Variants in GNAL observed in about 807,000 individuals in gnomAD.
The protein encoded by GNAL is G protein subunit alpha L, also known as guanine nucleotide-binding protein G(olf) subunit alpha.
In GNAL, 18 loss-of-function variants were observed where a neutral mutation model predicts 55.1. The observed-to-expected ratio is 0.33, with a 90% CI of 0.23 to 0.48. The LOEUF (loss-of-function observed/expected upper bound fraction) is 0.48, where lower values mean the gene tolerates loss of function less well. Among genes scored for constraint, GNAL ranks in the 20% least tolerant of loss-of-function variants. GNAL has a pLI of 0.99. For missense variants in GNAL, 412 were observed against 614.1 expected (o/e 0.67, Z 3.48); for synonymous variants, 253 against 237.0 (o/e 1.07, Z -0.62).
At chr18:11,855,042 C>T (rs529120984) in intron 5 of GNAL, among the ~76,000 whole-genome samples, 3,273 of 149,018 alleles carry the variant, frequency 0.022, 122 homozygotes, top group African/African-American at 0.078. Context: ...TGCCTCAGCC[C>T]CCTGAGTAGC....
intron 1 of GNAL, among the ~76,000 whole-genome samples, chr18:11,705,909 G>A (rs2031699761): frequency 6.6e-6 from 1 of 151,808 alleles, no homozygotes; most frequent in South Asian, 2.1e-4. Context: ...GCTCCTGCCA[G>A]CATGCCTGGG....
intron 5 of GNAL, chr18:11,852,342 C>A (rs762988565): frequency 1.2e-4 from 66 of 534,208 alleles, no homozygotes; most frequent in Non-Finnish European, 2.1e-4. Context: ...TTTATAGCAG[C>A]CTTTTAACAG....
At chr18:11,823,324 C>T (rs1186190074) in intron 4 of GNAL, among the ~76,000 whole-genome samples, 1 of 152,162 alleles carries the variant, frequency 6.6e-6, no homozygotes, top group Admixed American at 6.5e-5. Flanking sequence ...CCACCCCCTT[C>T]AGGGGGAGAA....
At chr18:11,822,117 A>T (rs1241603397) in intron 4 of GNAL, among the ~76,000 whole-genome samples, 1 of 152,132 alleles carries the variant, frequency 6.6e-6, no homozygotes, top group Non-Finnish European at 1.5e-5. Flanking sequence ...GCGGCTCCGG[A>T]GAGGCCCAGG....
At chr18:11,722,957 G>A (rs1045099849) in intron 1 of GNAL, among the ~76,000 whole-genome samples, 16 of 149,542 alleles carry the variant, frequency 1.1e-4, no homozygotes, top group African/African-American at 4.0e-4. Context: ...GTTGCAGTGA[G>A]CCAAGATCGC....
chr18:11,717,945 GA>G (rs1362882585), intron 1 of GNAL, among the ~76,000 whole-genome samples: 1 of 151,540 alleles, frequency 6.6e-6, no homozygotes, highest in East Asian at 1.9e-4. Context: ...AAAATGTTAA[GA>G]AAAAAAAGAA....
intron 4 of GNAL, among the ~76,000 whole-genome samples, chr18:11,763,464 T>C (rs1037955771): frequency 2.0e-5 from 3 of 151,964 alleles, no homozygotes; most frequent in Admixed American, 1.3e-4. Flanking sequence ...CAGGCTGGAG[T>C]GCAGTGGTGC....
At chr18:11,769,403 A>G (rs1206886229) in intron 4 of GNAL, among the ~76,000 whole-genome samples, 2 of 151,952 alleles carry the variant, frequency 1.3e-5, no homozygotes, top group Admixed American at 1.3e-4. Flanking sequence ...AGCAGAGCCT[A>G]GTCAGGAAGC....
In GNAL at chr18:11,865,387, C is replaced by T. The variant is rs138212555; in HGVS notation, c.851+781C>T. Among the ~76,000 whole-genome samples, 686 of 149,388 alleles carry T rather than the reference C, an allele frequency of 4.6e-3. 78 individuals are homozygous for T. Among genetic ancestry groups the T allele is most frequent in the African/African-American group, 0.016 (636 of 38,854 alleles). On this transcript the variant is annotated intron_variant, in intron 7 of 11. Coordinates refer to ENST00000334049, the MANE Select transcript of GNAL (RefSeq NM_182978.4). ...GTTCTCCCAGCTTTTCCTGCCGTAG[C>T]GCTTCTGTTCATCTTGTCCTCTGAG...
chr18:11,865,586 C>T (rs1211758430), intron 7 of GNAL, among the ~76,000 whole-genome samples: 1 of 36,264 alleles, frequency 2.8e-5, no homozygotes, highest in African/African-American at 5.1e-5. Context: ...CCTGTCTCTA[C>T]CAAAAAAAAA....
chr18:11,854,168 A>T (rs2143799109), intron 5 of GNAL: 1 of 167,210 alleles, frequency 6.0e-6, no homozygotes, highest in Non-Finnish European at 1.5e-5. Flanking sequence ...AACTTTAAAA[A>T]TAGCTTAGTG....
At chr18:11,855,187 G>GC (rs1221606492) in intron 5 of GNAL, among the ~76,000 whole-genome samples, 1 of 152,152 alleles carries the variant, frequency 6.6e-6, no homozygotes, top group Non-Finnish European at 1.5e-5. Flanking sequence ...TGATCCGCCT[G>GC]CCTCGGCCTC....
intron 4 of GNAL, among the ~76,000 whole-genome samples, chr18:11,760,729 C>T (rs528541398): frequency 1.3e-5 from 2 of 152,084 alleles, no homozygotes; most frequent in South Asian, 4.2e-4. Flanking sequence ...GGACAGGGTG[C>T]AGACACCCCC....
chr18:11,784,010 G>A (rs987163545), intron 4 of GNAL, among the ~76,000 whole-genome samples: 1 of 152,246 alleles, frequency 6.6e-6, no homozygotes, highest in African/African-American at 2.4e-5. Context: ...CAGGAGGGTA[G>A]CCAGCTACTC....
chr18:11,789,123 C>T (rs2143417089), intron 4 of GNAL, among the ~76,000 whole-genome samples: 1 of 151,862 alleles, frequency 6.6e-6, no homozygotes, highest in African/African-American at 2.4e-5. Context: ...CTTGGGCCTC[C>T]TTCATTTCAG....
At chr18:11,706,442 C>A (rs1235332467) in intron 1 of GNAL, among the ~76,000 whole-genome samples, 4 of 152,116 alleles carry the variant, frequency 2.6e-5, no homozygotes, top group Admixed American at 2.6e-4. Flanking sequence ...TCTGTGGCTG[C>A]TGACTGATCA....
chr18:11,703,889 T>G (rs1160160981), intron 1 of GNAL, among the ~76,000 whole-genome samples: 1 of 151,506 alleles, frequency 6.6e-6, no homozygotes, highest in Non-Finnish European at 1.5e-5. Context: ...TGGGGACAGA[T>G]GGAGGCAGGC....
intron 5 of GNAL, among the ~76,000 whole-genome samples, chr18:11,850,853 A>ATATT (rs1419554718): frequency 6.6e-6 from 1 of 152,198 alleles, no homozygotes; most frequent in Non-Finnish European, 1.5e-5. Flanking sequence ...CAATAAAAGG[A>ATATT]TATTACAGAA....
chr18:11,826,931 C>G (rs901935834), intron 5 of GNAL, among the ~76,000 whole-genome samples: 1 of 152,094 alleles, frequency 6.6e-6, no homozygotes, highest in African/African-American at 2.4e-5. Context: ...GAGGAGTGCC[C>G]GCAGAGAGGC....
Sources: gnomAD v4.1 joint callset for allele counts (sites outside exome capture counted in the v4.1 genomes callset) on GRCh38, gnomAD v4.1.1 for gene constraint, MANE v1.5 for transcripts, NCBI Gene and HGNC (gene_info 2026-07-23, HGNC 2026-07-21) for gene names.